CCDC186: variants seen among roughly 807,000 people sequenced by gnomAD.
CCDC186 encodes coiled-coil domain-containing protein 186.
Under a neutral mutation model 113.7 loss-of-function variants are expected in CCDC186, and 49 were observed. The ratio of observed to expected loss-of-function variants is 0.43; its 90% CI spans 0.34 to 0.55. The LOEUF (loss-of-function observed/expected upper bound fraction) is 0.55. CCDC186 is among the 20% of genes least tolerant of loss of function. The probability of loss-of-function intolerance (pLI) is 0.02; values close to 1 mark genes in which losing one functional copy is unlikely to be tolerated. For synonymous variants in CCDC186, 355 were observed against 345.8 expected, an observed-to-expected ratio of 1.03 and a Z score of -0.30; for missense variants, 890 against 1,011.1, an observed-to-expected ratio of 0.88 and a Z score of 1.62.
chr10:114,164,117 T>A (rs1040581567), intron 1 of CCDC186, among the ~76,000 whole-genome samples: 55 of 135,806 alleles, frequency 4.0e-4, no homozygotes, highest in East Asian at 2.9e-3. Context: ...TATATATATT[T>A]TTTTTTTTTT....
chr10:114,131,305 C>T lies in CCDC186; in HGVS notation c.1943G>A (p.Arg648Gln), dbSNP rs758664195. ...TTGCAGAGTTTGGACTTCCTCTTTT[C>T]GCAGTTCTTCCTCTTTCAACAACCT... is the stretch of plus-strand genomic sequence containing the variant. ...ESRLLKEEEL[R>Q]KEEVQTLQAE... is the part of the protein sequence containing the mutation. The change falls in exon 12 of 16, where the codon CGA becomes CAA. Residue 648 changes from arginine (R) to glutamine (Q), a missense_variant. Coordinates refer to ENST00000369287, the MANE Select transcript of CCDC186 (RefSeq NM_018017.4). 3.8e-6 allele frequency: 6 copies of T among 1,591,562 alleles called. No homozygotes were observed. Among genetic ancestry groups the T allele is most frequent in the African/African-American group, 1.4e-5 (1 of 73,796 alleles).
intron 3 of CCDC186, among the ~76,000 whole-genome samples, chr10:114,157,064 C>CG: frequency 6.6e-6 from 1 of 152,104 alleles, no homozygotes; most frequent in Non-Finnish European, 1.5e-5. Context: ...AAAGGAAATA[C>CG]ATCAGGCTAT....
chr10:114,172,027 G>A (rs1347713040), intron 1 of CCDC186, among the ~76,000 whole-genome samples: 3 of 152,178 alleles, frequency 2.0e-5, no homozygotes, highest in South Asian at 4.1e-4. Flanking sequence ...TGAATACTAA[G>A]TATAACATTT....
intron 1 of CCDC186, among the ~76,000 whole-genome samples, chr10:114,167,126 T>G (rs2032359129): frequency 6.6e-6 from 1 of 151,540 alleles, no homozygotes. Flanking sequence ...GTTCAAGCTA[T>G]TCTCCTGCCT....
intron 3 of CCDC186, among the ~76,000 whole-genome samples, chr10:114,155,643 C>T (rs2031989350): frequency 6.6e-6 from 1 of 151,870 alleles, no homozygotes. Context: ...CCATTGCACC[C>T]CAGCCTGGGC....
At chr10:114,136,111 A>G (rs756445899) in intron 8 of CCDC186, 37 bp downstream of exon 8, 2 of 1,559,136 alleles carry the variant, frequency 1.3e-6, no homozygotes, top group South Asian at 2.2e-5. Flanking sequence ...TGTATTTATT[A>G]TGCAACTTAG....
At chr10:114,150,042 C>G (rs77128700) in intron 4 of CCDC186, among the ~76,000 whole-genome samples, 8,851 of 152,222 alleles carry the variant, frequency 0.058, 292 homozygotes, top group Middle Eastern at 0.078. Flanking sequence ...AAGGAGTCAG[C>G]ATGTTTTAAA....
At chr10:114,172,496 T>C (rs2032522975) in intron 1 of CCDC186, among the ~76,000 whole-genome samples, 1 of 152,226 alleles carries the variant, frequency 6.6e-6, no homozygotes, top group Admixed American at 6.5e-5. Context: ...CCCTTTCCGT[T>C]AGCAATAAAT....
chr10:114,150,783 G>A (rs894843754), intron 4 of CCDC186, among the ~76,000 whole-genome samples: 1 of 152,040 alleles, frequency 6.6e-6, no homozygotes. Flanking sequence ...CAAGTAGCTG[G>A]GACTACAGGG....
chr10:114,126,214 A>T, intron 14 of CCDC186, 109 bp from the exon 15 acceptor site: 18 of 757,824 alleles, frequency 2.4e-5, no homozygotes, highest in Non-Finnish European at 3.8e-5. Flanking sequence ...TATTAGGTTA[A>T]TAACCTAACT....
rs746669651 is a variant in CCDC186, at chr10:114,135,879, A to C, written c.1512+12T>G. ...ACCCTTCCTCTGGATTCATGACTAAAGACTGAATTACCTTTGTTCTCAGTG... is the reference window on the plus strand; with the variant it reads ...ACCCTTCCTCTGGATTCATGACTAACGACTGAATTACCTTTGTTCTCAGTG... On this transcript the variant is annotated intron_variant, in intron 9 of 15. Coordinates refer to ENST00000369287, the MANE Select transcript of CCDC186 (RefSeq NM_018017.4). 3 of 1,584,992 alleles carry C rather than the reference A, an allele frequency of 1.9e-6. No homozygotes were observed. In the East Asian group the frequency reaches 6.7e-5, roughly 36 times the overall value.
intron 2 of CCDC186, among the ~76,000 whole-genome samples, chr10:114,160,371 CA>C (rs2032136248): frequency 6.6e-6 from 1 of 151,916 alleles, no homozygotes; most frequent in Non-Finnish European, 1.5e-5. Flanking sequence ...TGCCAGGGCA[CA>C]GGGGGTGAGG....
At chr10:114,137,095 C>A in intron 7 of CCDC186, 91 bp downstream of exon 7, 2 of 926,010 alleles carry the variant, frequency 2.2e-6, no homozygotes, top group South Asian at 1.5e-5. Flanking sequence ...CCAGCCCGGG[C>A]GACAGAGCGA....
intron 14 of CCDC186, 55 bp downstream of exon 14, chr10:114,127,406 G>T: frequency 6.7e-7 from 1 of 1,481,744 alleles, no homozygotes; most frequent in Non-Finnish European, 9.3e-7. Context: ...CAGTAACTTT[G>T]CTATATGAGT....
intron 4 of CCDC186, among the ~76,000 whole-genome samples, chr10:114,146,446 T>G (rs1302958097): frequency 6.6e-6 from 1 of 152,216 alleles, no homozygotes; most frequent in East Asian, 1.9e-4. Flanking sequence ...ATTTCTAAAA[T>G]CTTAACTCCC....
chr10:114,174,215 T>C (rs1053542402), upstream of CCDC186: 5 of 424,082 alleles, frequency 1.2e-5, no homozygotes, highest in East Asian at 2.1e-4. Flanking sequence ...GCGGCGACAC[T>C]GAAGCCGGCC....
At position 114,163,310 on chromosome 10, in the gene CCDC186, T is replaced by C; in HGVS notation, c.-42A>G. On this transcript the variant is annotated 5_prime_UTR_variant, in exon 2 of 16. Transcript: ENST00000369287. ...TCACTTTGTAATTCTTCAAATCTGC[T>C]CCTGATCTTCGTTTTACATCTAAGA... The C allele has an allele frequency of 6.4e-7, 1 of 1,561,440 alleles. No individual in the cohort carries two copies. Among genetic ancestry groups the C allele is most frequent in the Non-Finnish European group, 8.6e-7 (1 of 1,164,042 alleles).
chr10:114,159,759 A>T (rs566146947), intron 2 of CCDC186, among the ~76,000 whole-genome samples: 2 of 151,970 alleles, frequency 1.3e-5, no homozygotes, highest in South Asian at 4.2e-4. Flanking sequence ...GTTCCAGACT[A>T]GCCTGGGCAA....
Position 114,162,658 on chromosome 10 carries a change from T to C in CCDC186, c.611A>G (p.Gln204Arg). 2 of 1,578,868 alleles carry C rather than the reference T, an allele frequency of 1.3e-6. No individual in the cohort carries two copies. The highest frequency in any genetic ancestry group is 2.4e-5 in the South Asian group (2 of 84,722). The change falls in exon 2 of 16, where the codon CAG becomes CGG. Residue 204 changes from glutamine (Q) to arginine (R), a missense_variant. Transcript: ENST00000369287. ...TTACTTTTTTATGATATGTTCCTGC[T>C]GCAAATATTTATCTTGCACACACTT... ...FEKCVQDKYLQQEHIIKKLIK... is the reference protein window; with the variant it reads ...FEKCVQDKYLRQEHIIKKLIK...
Sources: gnomAD v4.1 joint callset for allele counts (sites outside exome capture counted in the v4.1 genomes callset) on GRCh38, gnomAD v4.1.1 for gene constraint, MANE v1.5 for transcripts, NCBI Gene and HGNC (gene_info 2026-07-23, HGNC 2026-07-21) for gene names.